Variants in CBARP observed in about 807,000 individuals in gnomAD.
CBARP encodes voltage-dependent calcium channel beta subunit-associated regulatory protein.
In CBARP, 24 loss-of-function variants were observed where a neutral mutation model predicts 36.3. The observed-to-expected ratio is 0.66, with a 90% CI of 0.48 to 0.93. CBARP has a LOEUF of 0.93. CBARP is among the 40% of genes least tolerant of loss of function. The pLI is 0.00. For synonymous variants in CBARP, 586 were observed against 453.2 expected (o/e 1.29, Z -3.72); for missense variants, 1,146 against 980.4 (o/e 1.17, Z -2.26).
chr19:1,231,431 T>C (rs35636773), intron 8 of CBARP, among the ~76,000 whole-genome samples, 156 bp from the exon 9 acceptor site: 30,238 of 100,584 alleles, frequency 0.3, 4,223 homozygotes, highest in East Asian at 0.62. Context: ...ACACACAACG[T>C]GTGCCCCCCA....
Position 1,233,501 on chromosome 19 carries a change from C to T in CBARP, c.904G>A (p.Gly302Arg). The T allele has an allele frequency of 6.2e-7, 1 of 1,607,766 alleles. No individual in the cohort carries two copies. The highest frequency in any genetic ancestry group is 8.5e-7 in the Non-Finnish European group (1 of 1,177,850). ...TRLRRHASLD[G>R]ASPYFKVKKW... Reference sequence around the variant, plus strand: ...TTGACCTTGAAATAGGGGCTGGCCCCATCCAGGCTGGCATGGCGGCGCAGG... The same window carrying T: ...TTGACCTTGAAATAGGGGCTGGCCCTATCCAGGCTGGCATGGCGGCGCAGG... Residue 302 changes from glycine (G) to arginine (R), a missense_variant, in exon 8 of 10, where the codon GGG (glycine) becomes AGG (arginine). By Grantham distance (125) the Gly-to-Arg change is moderately radical. Transcript: ENST00000650044.
chr19:1,235,464 A>G (rs1231471490), intron 4 of CBARP, 37 bp downstream of exon 4: 1 of 1,538,182 alleles, frequency 6.5e-7, no homozygotes, highest in South Asian at 1.2e-5. Flanking sequence ...GGGCGGATGG[A>G]CAGGCGAGCG....
In CBARP at chr19:1,235,008, C is replaced by G; in HGVS notation, c.448G>C (p.Gly150Arg). The G allele has an allele frequency of 1.9e-6, 3 of 1,606,476 alleles. No individual in the cohort carries two copies. In the South Asian group the frequency reaches 3.3e-5, roughly 18 times the overall value. Reference sequence around the variant, plus strand: ...CAACGCCGCCCCGCTTACCGGCGACCCTTGTCCTGCGTCTTGCGGCTCTGC... The same window carrying G: ...CAACGCCGCCCCGCTTACCGGCGACGCTTGTCCTGCGTCTTGCGGCTCTGC... ...FEQSRKTQDKGRRYTLTEGDF... is the reference protein window; with the variant it reads ...FEQSRKTQDKRRRYTLTEGDF... Residue 150 changes from glycine to arginine, a missense_variant, in exon 5 of 10, where the codon GGT becomes CGT. By Grantham distance (125) the Gly-to-Arg change is moderately radical. Coordinates refer to ENST00000650044, the MANE Select transcript of CBARP (RefSeq NM_001393918.1).
At chr19:1,230,464 G>C (rs1356591579) in intron 9 of CBARP, 1 of 996,730 alleles carries the variant, frequency 1.0e-6, no homozygotes, top group Non-Finnish European at 1.2e-6. Context: ...CCCAGTGGAC[G>C]TGGGAGCCGC....
At chr19:1,230,369 G>A in intron 9 of CBARP, 1 of 987,096 alleles carries the variant, frequency 1.0e-6, no homozygotes, top group Non-Finnish European at 1.2e-6. Context: ...CTCCATGCTG[G>A]ACTGCAGACG....
rs1425152424 is a variant in CBARP, at chr19:1,234,199, C to A, written c.760G>T (p.Gly254Cys). The A allele has an allele frequency of 6.6e-6, 10 of 1,522,686 alleles. No individual in the cohort carries two copies. The highest frequency in any genetic ancestry group is 8.8e-6 in the Non-Finnish European group (10 of 1,139,860). 94.3% of individuals were successfully genotyped at this position (1,522,686 alleles called of 1,614,324 possible). A position where few individuals can be genotyped will look rare whatever the true frequency, so the allele number is the denominator to read the frequency against. The change falls in exon 7 of 10, where the codon GGC becomes TGC. Residue 254 changes from glycine to cysteine, a missense_variant. Gly to Cys is a radical substitution (Grantham distance 159). Coordinates refer to ENST00000650044, the MANE Select transcript of CBARP (RefSeq NM_001393918.1). ...SPSASSDSGE[G>C]TSLDAGTRST... Reference sequence around the variant, plus strand: ...CACGCAGGGGCCCTCACCGAGGTGCCTTCCCCAGAGTCGCTAGATGCCGAG... The same window carrying A: ...CACGCAGGGGCCCTCACCGAGGTGCATTCCCCAGAGTCGCTAGATGCCGAG...
intron 4 of CBARP, 79 bp from the exon 5 acceptor site, chr19:1,235,224 G>T: frequency 7.3e-7 from 1 of 1,363,768 alleles, no homozygotes. Flanking sequence ...GCTCCTCCGG[G>T]CGGCCACGGC....
At chr19:1,230,610 A>C in intron 9 of CBARP, 1 of 1,211,978 alleles carries the variant, frequency 8.3e-7, no homozygotes, top group Non-Finnish European at 1.0e-6. Context: ...GGGCTGCCCC[A>C]GGAACCCTGC....
rs1471667445 is a variant in CBARP, at chr19:1,229,797, C to T, written c.1500G>A (p.Gln500=). 1 of 1,010,258 alleles carries T rather than the reference C, an allele frequency of 9.9e-7. No homozygotes were observed. The highest frequency in any genetic ancestry group is 1.2e-6 in the Non-Finnish European group (1 of 841,190). 62.6% of individuals were successfully genotyped at this position (1,010,258 alleles called of 1,614,324 possible). Residue 500 remains glutamine (Q), a synonymous_variant, in exon 10 of 10, where the codon CAG becomes CAA. Coordinates refer to ENST00000650044, the MANE Select transcript of CBARP (RefSeq NM_001393918.1). This position sits in a 1 kb window ranked among gnomAD's most constrained non-coding sequence, Gnocchi z 5.1. ...CGATGCTGGCGTAGCCACTGTCCAT[C>T]TGCAGCAGCCGGCGCGCCTCGCCGT... is the stretch of plus-strand genomic sequence containing the variant. ...PKDGEARRLL[Q]MDSGYASIEG...
rs1427433754 is a variant in CBARP at position 1,228,844 on chromosome 19, G to A, written c.*335C>T. 2.0e-5 allele frequency: 3 copies of A among 147,632 alleles called. No individual in the cohort carries two copies. Among genetic ancestry groups the A allele is most frequent in the African/African-American group, 2.4e-5 (1 of 41,042 alleles). The allele number at this position is 147,632 out of a possible 1,614,324, so 9.1% of individuals were successfully genotyped here. On this transcript the variant is annotated 3_prime_UTR_variant, in exon 10 of 10. Transcript: ENST00000650044. ...GCGGCCGCCCCGTCCGGGACTGAGG[G>A]CGAGTGATCGTTGTCCTCAGGAGCC...
intron 7 of CBARP, among the ~76,000 whole-genome samples, chr19:1,233,906 G>A (rs1234432590): frequency 1.3e-5 from 2 of 152,238 alleles, no homozygotes; most frequent in African/African-American, 4.8e-5. Context: ...TCTCGCCCAC[G>A]GCGTGGGCTG....
At position 1,231,393 on chromosome 19, in the gene CBARP, A is replaced by G. The variant is rs533100808; in HGVS notation, c.980-118T>C. The G allele has an allele frequency of 1.6e-3, 2,025 of 1,294,972 alleles. 7 individuals carry two copies. Among genetic ancestry groups the G allele is most frequent in the Middle Eastern group, 0.011 (41 of 3,576 alleles). The allele number at this position is 1,294,972 out of a possible 1,614,324, so 80.2% of individuals were successfully genotyped here. On this transcript the variant is annotated intron_variant, in intron 8 of 9. Transcript: ENST00000650044. ...CACAATGCCTGTGCCCCCCCGCCAC[A>G]CACAACGCCTGTGGACCCCCACCAC...
chr19:1,231,086 T>G lies in CBARP; in HGVS notation c.1154+15A>C, dbSNP rs1230957474. Reference sequence around the variant, plus strand: ...CACAGGTCCACCCCTAGCACCTCCATCTACTGAAAAATACCTGCCGAGAGC... The same window carrying G: ...CACAGGTCCACCCCTAGCACCTCCAGCTACTGAAAAATACCTGCCGAGAGC... On this transcript the variant is annotated intron_variant, in intron 9 of 9. Coordinates refer to ENST00000650044, the MANE Select transcript of CBARP (RefSeq NM_001393918.1). 6.3e-7 allele frequency: 1 copy of G among 1,593,024 alleles called. No homozygotes were observed. The highest frequency in any genetic ancestry group is 1.3e-5 in the African/African-American group (1 of 74,570).
In CBARP at chr19:1,233,504, C is replaced by T; in HGVS notation, c.901G>A (p.Asp301Asn). ...LTRLRRHASL[D>N]GASPYFKVKK... ...ACCTTGAAATAGGGGCTGGCCCCAT[C>T]CAGGCTGGCATGGCGGCGCAGGCGG... The change falls in exon 8 of 10, where the codon GAT becomes AAT. Residue 301 changes from aspartate to asparagine, a missense_variant. By Grantham distance (23) the Asp-to-Asn change is conservative. Transcript: ENST00000650044. 1 of 1,608,060 alleles carries T rather than the reference C, an allele frequency of 6.2e-7. No individual in the cohort carries two copies. The highest frequency in any genetic ancestry group is 1.3e-5 in the African/African-American group (1 of 75,028).
At chr19:1,230,463 CG>C (rs2080875413) in intron 9 of CBARP, 1 of 996,030 alleles carries the variant, frequency 1.0e-6, no homozygotes. Flanking sequence ...TCCCAGTGGA[CG>C]TGGGAGCCGC....
At chr19:1,230,390 C>T (rs1474250788) in intron 9 of CBARP, 2 of 987,588 alleles carry the variant, frequency 2.0e-6, no homozygotes, top group East Asian at 1.1e-4. Flanking sequence ...GCGGGGCCCC[C>T]TCCCTTGGAA....
In CBARP at chr19:1,230,094, C is replaced by T. The variant is rs1052252992; in HGVS notation, c.1203G>A (p.Pro401=). ...GCCCCGCGCTGCCCGCGCCGCGCTC[C>T]GGGGGGGAATCGGGGCTCGCTCCTC... The part of the protein sequence containing the change: ...AAGGASPDSP[P]ERGAGSAGPE... The change falls in exon 10 of 10, where the codon CCG becomes CCA. Residue 401 remains proline, a synonymous_variant. Transcript: ENST00000650044. 4.6e-6 allele frequency: 5 copies of T among 1,083,900 alleles called. No individual in the cohort carries two copies. The highest frequency in any genetic ancestry group is 2.1e-5 in the South Asian group (1 of 47,482). The allele number at this position is 1,083,900 out of a possible 1,614,324, so 67.1% of individuals were successfully genotyped here.
rs202221427 is a variant in CBARP at position 1,234,957 on chromosome 19, C to T, written c.455+44G>A. ...TCCTCCCCCGTCCCGGCGGCCAGGA[C>T]CTCAGACAGGCCCTGGGGTGCCTCC... is the stretch of plus-strand genomic sequence containing the variant. On this transcript the variant is annotated intron_variant, in intron 5 of 9. Transcript: ENST00000650044. 9.9e-4 allele frequency: 1,561 copies of T among 1,575,590 alleles called. 7 individuals are homozygous for T. The highest frequency in any genetic ancestry group is 6.0e-3 in the South Asian group (525 of 88,186).
Position 1,232,611 on chromosome 19 carries a change from G to A in CBARP, c.979+815C>T, listed in dbSNP as rs575167910. ...TCCTGCCTCGAGCCCAGATAAGGCA[G>A]CCCTGTCTCCAGGATCCTGCCTGAC... On this transcript the variant is annotated intron_variant, in intron 8 of 9. Coordinates refer to ENST00000650044, the MANE Select transcript of CBARP (RefSeq NM_001393918.1). Among the ~76,000 whole-genome samples the A allele has an allele frequency of 8.3e-4, 126 of 152,308 alleles. 1 individual carries two copies. Among genetic ancestry groups the A allele is most frequent in the African/African-American group, 3.0e-3 (125 of 41,556 alleles).
Sources: allele counts gnomAD v4.1 joint callset (sites outside exome capture counted in the v4.1 genomes callset), GRCh38; gene constraint gnomAD v4.1.1; non-coding constraint Gnocchi (gnomAD v3.1); transcripts MANE v1.5; gene names NCBI Gene and HGNC (gene_info 2026-07-23, HGNC 2026-07-21).